The following SLC6A15 variants were observed in gnomAD, a reference collection of about 807,000 sequenced individuals.
The protein encoded by SLC6A15 is solute carrier family 6 member 15, also known as sodium-dependent neutral amino acid transporter B(0)AT2.
Under a neutral mutation model 68.5 loss-of-function variants are expected in SLC6A15, and 33 were observed. The observed-to-expected ratio is 0.48, with a 90% CI of 0.37 to 0.64. SLC6A15 has a LOEUF of 0.64. Among genes scored for constraint, SLC6A15 ranks in the 30% least tolerant of loss-of-function variants. The pLI is 0.00. For synonymous variants in SLC6A15, 347 were observed against 301.0 expected (o/e 1.15, Z -1.58); for missense variants, 747 against 874.3 (o/e 0.85, Z 1.84).
chr12:84,880,790 T>C (rs980427206), intron 5 of SLC6A15: 5 of 520,856 alleles, frequency 9.6e-6, no homozygotes, highest in Non-Finnish European at 1.2e-5. Context: ...TTCAAAAGAT[T>C]GTATAAAACA....
In SLC6A15 at chr12:84,872,778, T is replaced by A; in HGVS notation, c.1126A>T (p.Met376Leu). The part of the protein sequence containing the change: ...KCITQNSETI[M>L]KFLKMGNISQ... ...ATGTTCCCCATTTTCAAAAATTTCA[T>A]GATCGTCTCTGAATTTCTGAAAAAT... The change falls in exon 8 of 12, where the codon ATG becomes TTG. Residue 376 changes from methionine (M) to leucine (L), a missense_variant. Physicochemically the swap from Met to Leu is conservative, Grantham distance 15 (BLOSUM62 2). Transcript: ENST00000266682. 4 of 1,602,794 alleles carry A rather than the reference T, an allele frequency of 2.5e-6. No homozygotes were observed. Among genetic ancestry groups the A allele is most frequent in the Non-Finnish European group, 3.4e-6 (4 of 1,177,076 alleles).
intron 5 of SLC6A15, among the ~76,000 whole-genome samples, chr12:84,878,309 A>T (rs1054297833): frequency 6.6e-6 from 1 of 152,112 alleles, no homozygotes; most frequent in Non-Finnish European, 1.5e-5. Context: ...TTGATTTTTT[A>T]AAAAATCAGA....
At position 84,870,550 on chromosome 12, in the gene SLC6A15, T is replaced by C; in HGVS notation, c.1423A>G (p.Met475Val). 4 of 1,606,014 alleles carry C rather than the reference T, an allele frequency of 2.5e-6. No homozygotes were observed. Among genetic ancestry groups the C allele is most frequent in the Non-Finnish European group, 3.4e-6 (4 of 1,175,894 alleles). Reference protein sequence around the residue: ...LMLVNLGLGSMFGTIEGIVTP... With the variant: ...LMLVNLGLGSVFGTIEGIVTP... ...ACAATCCCTTCAATGGTTCCAAACATACTGCCAAGGCCTAGATTGACCAGC... is the reference window on the plus strand; with the variant it reads ...ACAATCCCTTCAATGGTTCCAAACACACTGCCAAGGCCTAGATTGACCAGC... The change falls in exon 9 of 12, where the codon ATG becomes GTG. Residue 475 changes from methionine to valine, a missense_variant. By Grantham distance (21) the Met-to-Val change is conservative (BLOSUM62 1). Coordinates refer to ENST00000266682, the MANE Select transcript of SLC6A15 (RefSeq NM_182767.6).
At chr12:84,874,247 C>T (rs758151836) in intron 6 of SLC6A15, among the ~76,000 whole-genome samples, 1 of 151,514 alleles carries the variant, frequency 6.6e-6, no homozygotes, top group South Asian at 2.1e-4. Flanking sequence ...CAAACAATGG[C>T]AAATGGCGTG....
intron 1 of SLC6A15, among the ~76,000 whole-genome samples, chr12:84,894,236 TTG>T (rs1314291268): frequency 1.3e-5 from 2 of 152,122 alleles, no homozygotes; most frequent in African/African-American, 4.8e-5. Flanking sequence ...ATATAAAAAA[TTG>T]TGATTTGTAA....
At chr12:84,897,181 G>A (rs551727647) in intron 1 of SLC6A15, among the ~76,000 whole-genome samples, 5 of 151,842 alleles carry the variant, frequency 3.3e-5, no homozygotes, top group East Asian at 1.9e-4. Flanking sequence ...CCTGAGTGAC[G>A]GAGCAAGACC....
Position 84,891,817 on chromosome 12 carries a change from A to T in SLC6A15, c.289+15T>A. ...AATTTACTACAGTAATTTATCACTT[A>T]AAAAGATTACTTACCGCCCCCATTC... On this transcript the variant is annotated intron_variant, in intron 2 of 11. Coordinates refer to ENST00000266682, the MANE Select transcript of SLC6A15 (RefSeq NM_182767.6). 6.2e-7 allele frequency: 1 copy of T among 1,601,926 alleles called. No homozygotes were observed. Among genetic ancestry groups the T allele is most frequent in the African/African-American group, 1.3e-5 (1 of 74,596 alleles).
At chr12:84,881,672 C>T in intron 5 of SLC6A15, 1 of 967,916 alleles carries the variant, frequency 1.0e-6, no homozygotes, top group Non-Finnish European at 1.2e-6. Context: ...CTTCTTTTAG[C>T]TGCTAAATCC....
At chr12:84,904,589 A>T (rs1873052722) in intron 1 of SLC6A15, among the ~76,000 whole-genome samples, 1 of 152,220 alleles carries the variant, frequency 6.6e-6, no homozygotes, top group Non-Finnish European at 1.5e-5. Context: ...TATGTAGAGG[A>T]TATGTGGTTT....
chr12:84,906,006 A>G (rs1166796486), intron 1 of SLC6A15, among the ~76,000 whole-genome samples: 1 of 152,220 alleles, frequency 6.6e-6, no homozygotes, highest in Non-Finnish European at 1.5e-5. Context: ...GTAATAATAC[A>G]GTATTCAATT....
chr12:84,895,442 C>T (rs12369134), intron 1 of SLC6A15, among the ~76,000 whole-genome samples: 18,120 of 148,558 alleles, frequency 0.12, 1,205 homozygotes, highest in South Asian at 0.26. Context: ...CTCTGCCTCC[C>T]GAGTTCAAGC....
In SLC6A15 at chr12:84,863,630, C is replaced by T. The variant is rs554942301; in HGVS notation, c.1656-29G>A. The T allele has an allele frequency of 2.8e-5, 41 of 1,448,800 alleles. 1 individual carries two copies. In the South Asian group the frequency reaches 6.1e-4, roughly 22 times the overall value. The allele number at this position is 1,448,800 out of a possible 1,614,324, so 89.7% of individuals were successfully genotyped here. ...AATAAAAAGAAAGTATTTAATTATT[C>T]CTTAATTTAATATTGCTAAACCTTA... On this transcript the variant is annotated intron_variant, in intron 10 of 11. Coordinates refer to ENST00000266682, the MANE Select transcript of SLC6A15 (RefSeq NM_182767.6).
chr12:84,859,803 T>C lies in SLC6A15; in HGVS notation c.*1829A>G, dbSNP rs1248734867. ...TACATAAAATGCTGTCCAAAATAAA[T>C]TATTCACAGAAATAGGTAAGATATA... is the stretch of plus-strand genomic sequence containing the variant. On this transcript the variant is annotated 3_prime_UTR_variant, in exon 12 of 12. Coordinates refer to ENST00000266682, the MANE Select transcript of SLC6A15 (RefSeq NM_182767.6). The C allele has an allele frequency of 1.3e-5, 2 of 152,024 alleles. No homozygotes were observed. The highest frequency in any genetic ancestry group is 2.9e-5 in the Non-Finnish European group (2 of 67,920). The allele number at this position is 152,024 out of a possible 1,614,324, so 9.4% of individuals were successfully genotyped here.
intron 2 of SLC6A15, among the ~76,000 whole-genome samples, chr12:84,887,477 C>T (rs560121771): frequency 1.3e-4 from 20 of 152,220 alleles, no homozygotes; most frequent in African/African-American, 4.8e-4. Context: ...TAATCTGAAC[C>T]TTTCTATGAC....
At position 84,859,599 on chromosome 12, in the gene SLC6A15, G is replaced by A. The variant is rs1870762207; in HGVS notation, c.*2033C>T. 1 of 151,792 alleles carries A rather than the reference G, an allele frequency of 6.6e-6. No individual in the cohort carries two copies. Among genetic ancestry groups the A allele is most frequent in the Non-Finnish European group, 1.5e-5 (1 of 67,874 alleles). The allele number at this position is 151,792 out of a possible 1,614,324, so 9.4% of individuals were successfully genotyped here. A position where few individuals can be genotyped will look rare whatever the true frequency, so the allele number is the denominator to read the frequency against. ...TTTTTTTTAAGAGCCCCCATGGCAA[G>A]AGAGTGAGAGAAGAAGAATGGTGCT... is the stretch of plus-strand genomic sequence containing the variant. On this transcript the variant is annotated 3_prime_UTR_variant, in exon 12 of 12. Transcript: ENST00000266682.
chr12:84,877,917 C>A (rs930967597), intron 5 of SLC6A15, among the ~76,000 whole-genome samples: 2 of 152,220 alleles, frequency 1.3e-5, no homozygotes, highest in East Asian at 1.9e-4. Flanking sequence ...TCTCACACAC[C>A]TAACACAGTT....
chr12:84,882,645 G>T (rs150117491), intron 5 of SLC6A15: 172 of 214,132 alleles, frequency 8.0e-4, no homozygotes, highest in African/African-American at 3.9e-3. Context: ...TCTAGATTTA[G>T]ACAGACTTGC....
chr12:84,883,658 A>G, intron 5 of SLC6A15: 1 of 1,486,586 alleles, frequency 6.7e-7, no homozygotes, highest in Non-Finnish European at 9.0e-7. Context: ...TTAACCTTAG[A>G]TTTCACTATA....
chr12:84,905,826 A>C (rs913990111), intron 1 of SLC6A15, among the ~76,000 whole-genome samples: 7 of 152,192 alleles, frequency 4.6e-5, no homozygotes, highest in African/African-American at 1.7e-4. Context: ...TAAATCAAGA[A>C]AGAAGAACAG....
Sources: allele counts gnomAD v4.1 joint callset (sites outside exome capture counted in the v4.1 genomes callset), GRCh38; gene constraint gnomAD v4.1.1; transcripts MANE v1.5; gene names NCBI Gene and HGNC (gene_info 2026-07-23, HGNC 2026-07-21).